The following AATF variants were observed in gnomAD, a reference collection of about 807,000 sequenced individuals.
The protein encoded by AATF is apoptosis antagonizing transcription factor, also known as protein AATF.
AATF carries 48 observed loss-of-function variants against 63.7 expected under a neutral mutation model. The ratio of observed to expected loss-of-function variants is 0.75; its 90% CI spans 0.60 to 0.96. The LOEUF (loss-of-function observed/expected upper bound fraction) is 0.96, where lower values mean the gene tolerates loss of function less well. AATF is among the 40% of genes least tolerant of loss of function. The pLI, the probability that AATF is intolerant of heterozygous loss-of-function variation, is 0.00. For missense variants in AATF, 639 were observed against 685.7 expected (o/e 0.93, Z 0.76); for synonymous variants, 258 against 247.7 (o/e 1.04, Z -0.39).
rs765535748 is a variant in AATF at position 36,996,691 on chromosome 17, A to G, written c.1398+5834A>G. On this transcript the variant is annotated intron_variant, in intron 8 of 11. Coordinates refer to ENST00000619387, the MANE Select transcript of AATF (RefSeq NM_012138.4). The stretch of plus-strand genomic sequence containing the variant: ...TATCTGTCAATGTTTAGACCCAGGT[A>G]TGTCATCAATATTAGCATTTGGTTG... Among the ~76,000 whole-genome samples, 39 of 152,322 alleles carry G rather than the reference A, an allele frequency of 2.6e-4. No homozygotes were observed. The Middle Eastern group carries it at 0.014, about 53-fold the overall frequency.
chr17:36,990,885 A>C, intron 8 of AATF, 28 bp downstream of exon 8: 1 of 1,480,248 alleles, frequency 6.8e-7, no homozygotes, highest in Non-Finnish European at 9.1e-7. Context: ...TCTTGTTACA[A>C]ATCATGTTTT....
At chr17:37,044,290 G>A (rs9913140) in intron 11 of AATF, among the ~76,000 whole-genome samples, 2,437 of 152,120 alleles carry the variant, frequency 0.016, 56 homozygotes, top group African/African-American at 0.042. Context: ...CATAGGTTAG[G>A]TCTCCATGCT....
rs563665217 is a variant in AATF at position 37,027,067 on chromosome 17, A to G, written c.1548-4547A>G. Among the ~76,000 whole-genome samples the G allele has an allele frequency of 3.9e-5, 6 of 152,328 alleles. 1 individual carries two copies. In the South Asian group the frequency reaches 1.0e-3, roughly 26 times the overall value. ...TTCTGGAAACAGTTTAAATAATAAC[A>G]CTTCATTAGTTTAAATGGTACAGCC... On this transcript the variant is annotated intron_variant, in intron 10 of 11. Coordinates refer to ENST00000619387, the MANE Select transcript of AATF (RefSeq NM_012138.4).
chr17:37,040,755 C>T (rs941064946), intron 11 of AATF, among the ~76,000 whole-genome samples: 1 of 150,332 alleles, frequency 6.7e-6, no homozygotes, highest in East Asian at 1.9e-4. Context: ...CTTCCCCCCC[C>T]ACGCTTTCTT....
chr17:37,039,518 A>T (rs765311963), intron 11 of AATF, among the ~76,000 whole-genome samples: 3 of 152,190 alleles, frequency 2.0e-5, no homozygotes, highest in Non-Finnish European at 4.4e-5. Context: ...GTTAAAGAGG[A>T]TTACAGCTTT....
chr17:36,994,694 C>T (rs1380698448), intron 8 of AATF, among the ~76,000 whole-genome samples: 1 of 152,202 alleles, frequency 6.6e-6, no homozygotes, highest in African/African-American at 2.4e-5. Context: ...ATGTCATGAT[C>T]CTATCTGCTA....
intron 11 of AATF, among the ~76,000 whole-genome samples, chr17:37,033,551 C>T (rs1469865625): frequency 6.6e-6 from 1 of 152,130 alleles, no homozygotes; most frequent in Non-Finnish European, 1.5e-5. Context: ...ATATTAACTC[C>T]TAATTTTTGA....
rs560525426 is a variant in AATF at position 36,988,634 on chromosome 17, C to G, written c.1063C>G (p.Arg355Gly). 1 of 1,614,000 alleles carries G rather than the reference C, an allele frequency of 6.2e-7. No homozygotes were observed. The highest frequency in any genetic ancestry group is 8.5e-7 in the Non-Finnish European group (1 of 1,180,042). ...GGACTATCCCAGCTTCATGGCAAAG[C>G]GCTTTGCCGACTTTACAGTCTACAG... ...MEDYPSFMAK[R>G]FADFTVYRNR... is the part of the protein sequence containing the mutation. The change falls in exon 6 of 12, where the codon CGC (arginine) becomes GGC (glycine). Residue 355 changes from arginine to glycine, a missense_variant. By Grantham distance (125) the Arg-to-Gly change is moderately radical (BLOSUM62 -2). Coordinates refer to ENST00000619387, the MANE Select transcript of AATF (RefSeq NM_012138.4).
intron 11 of AATF, among the ~76,000 whole-genome samples, chr17:37,046,757 A>ACACACC (rs1262108467): frequency 2.0e-5 from 3 of 151,570 alleles, no homozygotes; most frequent in African/African-American, 7.3e-5. Flanking sequence ...ACACACACAC[A>ACACACC]CACACACACA....
At chr17:36,957,172 C>G (rs557436835) in intron 4 of AATF, among the ~76,000 whole-genome samples, 4 of 152,132 alleles carry the variant, frequency 2.6e-5, no homozygotes, top group African/African-American at 7.2e-5. Context: ...AAAGTCAGAC[C>G]GGCTTGGTTT....
intron 4 of AATF, among the ~76,000 whole-genome samples, chr17:36,974,013 G>A (rs539387622): frequency 6.6e-6 from 1 of 150,768 alleles, no homozygotes; most frequent in Non-Finnish European, 1.5e-5. Context: ...AGGTTGCAGT[G>A]AGCCAAAATC....
At chr17:36,964,576 A>G (rs1380020164) in intron 4 of AATF, among the ~76,000 whole-genome samples, 1 of 152,220 alleles carries the variant, frequency 6.6e-6, no homozygotes, top group Admixed American at 6.5e-5. Context: ...GTAGACTACT[A>G]GGACAGGGAA....
chr17:36,993,976 T>A (rs1323877243), intron 8 of AATF, among the ~76,000 whole-genome samples: 1 of 152,188 alleles, frequency 6.6e-6, no homozygotes, highest in African/African-American at 2.4e-5. Flanking sequence ...AAAATATACT[T>A]GTATTATTTA....
intron 8 of AATF, among the ~76,000 whole-genome samples, chr17:37,008,634 C>CA (rs367812089): frequency 4.9e-4 from 74 of 152,234 alleles, no homozygotes; most frequent in African/African-American, 1.8e-3. Flanking sequence ...GGGGCTGACA[C>CA]AGGAAGATCA....
chr17:36,953,870 C>G lies in AATF; in HGVS notation c.795C>G (p.Asp265Glu), dbSNP rs748101152. 1 of 1,614,078 alleles carries G rather than the reference C, an allele frequency of 6.2e-7. No homozygotes were observed. The highest frequency in any genetic ancestry group is 2.2e-5 in the East Asian group (1 of 44,878). The change falls in exon 4 of 12, where the codon GAC becomes GAG. Residue 265 changes from aspartate to glutamate, a missense_variant. Coordinates refer to ENST00000619387, the MANE Select transcript of AATF (RefSeq NM_012138.4). ...PQPDVFPLFK[D>E]KGGPEFSSAL... is the part of the protein sequence containing the mutation. ...CAGATGTTTTCCCATTGTTCAAGGA[C>G]AAAGGTGGCCCAGAATTTTCCAGTG...
intron 2 of AATF, among the ~76,000 whole-genome samples, chr17:36,951,595 A>G (rs78309000): frequency 0.026 from 3,940 of 152,276 alleles, 191 homozygotes; most frequent in African/African-American, 0.09. Flanking sequence ...CGAGGGGCAA[A>G]TTGGTTACAT....
chr17:37,056,383 G>T, intron 11 of AATF: 1 of 541,796 alleles, frequency 1.8e-6, no homozygotes, highest in South Asian at 2.6e-5. Flanking sequence ...CCTGGAGACG[G>T]GTGTCCAGCC....
intron 4 of AATF, among the ~76,000 whole-genome samples, chr17:36,977,451 G>C (rs1436273750): frequency 6.6e-6 from 1 of 151,886 alleles, no homozygotes; most frequent in East Asian, 1.9e-4. Flanking sequence ...TTTGCTTAGA[G>C]ACAGTTTCAC....
intron 11 of AATF, chr17:37,054,840 T>C (rs1464831709): frequency 6.6e-6 from 1 of 152,230 alleles, no homozygotes; most frequent in Non-Finnish European, 1.5e-5. Flanking sequence ...ACTGTCCTTT[T>C]GTTATGGCAA....
Sources: gnomAD v4.1 joint callset for allele counts (sites outside exome capture counted in the v4.1 genomes callset) on GRCh38, gnomAD v4.1.1 for gene constraint, MANE v1.5 for transcripts, NCBI Gene and HGNC (gene_info 2026-07-23, HGNC 2026-07-21) for gene names.